OPCML: variants seen among roughly 807,000 people sequenced by gnomAD.
The protein encoded by OPCML is opioid-binding protein/cell adhesion molecule.
OPCML carries 13 observed loss-of-function variants against 37.8 expected under a neutral mutation model. The observed-to-expected ratio is 0.34, with a 90% CI of 0.22 to 0.55. The LOEUF (loss-of-function observed/expected upper bound fraction) is 0.55. OPCML is among the 20% of genes least tolerant of loss of function. The pLI is 0.91. For synonymous variants in OPCML, 176 were observed against 168.8 expected, an observed-to-expected ratio of 1.04 and a Z score of -0.33; for missense variants, 341 against 435.6, an observed-to-expected ratio of 0.78 and a Z score of 1.93.
chr11:132,472,057 C>T (rs554638216), intron 4 of OPCML, among the ~76,000 whole-genome samples: 2 of 152,194 alleles, frequency 1.3e-5, no homozygotes, highest in Non-Finnish European at 2.9e-5. Flanking sequence ...AACAAATATT[C>T]CACATTCAAC....
chr11:132,721,664 C>T (rs1944673746), intron 2 of OPCML, among the ~76,000 whole-genome samples: 1 of 152,128 alleles, frequency 6.6e-6, no homozygotes, highest in Non-Finnish European at 1.5e-5. Context: ...AGGGATGAAA[C>T]AAGGAGGTCC....
chr11:132,810,349 A>G (rs1271409608), intron 2 of OPCML, among the ~76,000 whole-genome samples: 1 of 152,206 alleles, frequency 6.6e-6, no homozygotes, highest in Non-Finnish European at 1.5e-5. Context: ...ATACAGGTGG[A>G]AAGAAAAGAA....
intron 1 of OPCML, among the ~76,000 whole-genome samples, chr11:133,463,272 T>C (rs1946900822): frequency 6.6e-6 from 1 of 152,016 alleles, no homozygotes; most frequent in Admixed American, 6.6e-5. Flanking sequence ...AATGACTGTT[T>C]AATGGGTACA....
chr11:133,263,869 A>C (rs1156359093), intron 1 of OPCML, among the ~76,000 whole-genome samples: 1 of 152,172 alleles, frequency 6.6e-6, no homozygotes, highest in Non-Finnish European at 1.5e-5. Flanking sequence ...GCTACTTTCC[A>C]AGCTAAACGT....
intron 1 of OPCML, among the ~76,000 whole-genome samples, chr11:132,966,869 T>A (rs948932845): frequency 6.6e-6 from 1 of 152,098 alleles, no homozygotes; most frequent in Non-Finnish European, 1.5e-5. Flanking sequence ...TCCAGCTTTT[T>A]AATTCCTGTT....
At chr11:133,078,252 A>T (rs1159597086) in intron 1 of OPCML, among the ~76,000 whole-genome samples, 2 of 152,168 alleles carry the variant, frequency 1.3e-5, no homozygotes, top group Non-Finnish European at 2.9e-5. Flanking sequence ...CGCCCGGACG[A>T]TCTGATAAAC....
intron 1 of OPCML, among the ~76,000 whole-genome samples, chr11:133,162,781 C>T (rs1474733709): frequency 6.6e-6 from 1 of 152,216 alleles, no homozygotes. Flanking sequence ...CATGCATACA[C>T]GGTTGTTTCC....
chr11:133,216,350 T>A (rs1237383874), intron 1 of OPCML, among the ~76,000 whole-genome samples: 1 of 152,172 alleles, frequency 6.6e-6, no homozygotes, highest in African/African-American at 2.4e-5. Context: ...AATAGAAGCA[T>A]TTGATTTGAA....
intron 1 of OPCML, among the ~76,000 whole-genome samples, chr11:133,397,584 G>A (rs1399984236): frequency 6.6e-6 from 1 of 152,240 alleles, no homozygotes; most frequent in Non-Finnish European, 1.5e-5. Flanking sequence ...TAACATTTGG[G>A]CGATGCATTT....
intron 1 of OPCML, among the ~76,000 whole-genome samples, chr11:133,134,632 C>G (rs1482974861): frequency 6.6e-6 from 1 of 152,180 alleles, no homozygotes; most frequent in Admixed American, 6.5e-5. Flanking sequence ...CCTGAAATAT[C>G]CTCGACTTGC....
chr11:132,628,482 G>C (rs1939881664), intron 3 of OPCML, among the ~76,000 whole-genome samples: 1 of 152,070 alleles, frequency 6.6e-6, no homozygotes, highest in Non-Finnish European at 1.5e-5. Flanking sequence ...ACCCCTCCCA[G>C]GATTAGTCAA....
chr11:133,082,821 C>A (rs1455233960), intron 1 of OPCML, among the ~76,000 whole-genome samples: 4 of 148,930 alleles, frequency 2.7e-5, no homozygotes, highest in Admixed American at 1.3e-4. Context: ...CGGGGCCCAC[C>A]AACCCGGAGA....
At chr11:133,439,207 C>T in intron 1 of OPCML, 1 of 851,982 alleles carries the variant, frequency 1.2e-6, no homozygotes, top group Non-Finnish European at 1.4e-6. Context: ...GAGCCCTTAA[C>T]CTGCAGGTCC....
At position 133,140,513 on chromosome 11, in the gene OPCML, A is replaced by AAATAATAATAATAATAAT. The variant is rs377272496; in HGVS notation, c.62-197521_62-197504dup. Among the ~76,000 whole-genome samples, 560 of 95,852 alleles carry AAATAATAATAATAATAAT rather than the reference A, an allele frequency of 5.8e-3. 3 individuals carry two copies. The highest frequency in any genetic ancestry group is 8.8e-3 in the South Asian group (18 of 2,038). The allele number at this position is 95,852 out of a possible 152,430, so 62.9% of individuals were successfully genotyped here. A position where few individuals can be genotyped will look rare whatever the true frequency, so the allele number is the denominator to read the frequency against. On this transcript the variant is annotated intron_variant, in intron 1 of 7. Coordinates refer to ENST00000524381, the MANE Select transcript of OPCML (RefSeq NM_001012393.5). ...CTGGGTGACAAGAGACTCTGTCTCA[A>AAATAATAATAATAATAAT]AATAATAATAATAATAATAAGAAGA...
At chr11:132,671,763 A>G (rs1181065394) in intron 2 of OPCML, among the ~76,000 whole-genome samples, 2 of 152,164 alleles carry the variant, frequency 1.3e-5, no homozygotes, top group Admixed American at 1.3e-4. Flanking sequence ...ATAAGTAGGG[A>G]AAGTCGAGTT....
At chr11:133,005,485 T>A in intron 1 of OPCML, 1 of 985,410 alleles carries the variant, frequency 1.0e-6, no homozygotes, top group Non-Finnish European at 1.2e-6. Context: ...TGTAGGGAGG[T>A]AGGGCAGGTC....
intron 1 of OPCML, among the ~76,000 whole-genome samples, chr11:133,035,979 T>C (rs575363513): frequency 1.3e-5 from 2 of 152,316 alleles, no homozygotes; most frequent in African/African-American, 4.8e-5. Context: ...CCCAAAACTA[T>C]GAGAAAGTGA....
intron 4 of OPCML, among the ~76,000 whole-genome samples, chr11:132,502,673 T>G (rs2096248092): frequency 6.6e-6 from 1 of 152,230 alleles, no homozygotes; most frequent in Non-Finnish European, 1.5e-5. Context: ...ATGCAAATTT[T>G]TAGCCCTTCC....
chr11:132,856,278 A>G (rs567191447), intron 2 of OPCML, among the ~76,000 whole-genome samples: 9 of 152,360 alleles, frequency 5.9e-5, no homozygotes, highest in Non-Finnish European at 1.0e-4. Context: ...TTAACCTGGG[A>G]AAGTGGCATG....
Sources: allele counts gnomAD v4.1 joint callset (sites outside exome capture counted in the v4.1 genomes callset), GRCh38; gene constraint gnomAD v4.1.1; transcripts MANE v1.5; gene names NCBI Gene and HGNC (gene_info 2026-07-23, HGNC 2026-07-21).